TRIO: variants seen among roughly 807,000 people sequenced by gnomAD.
TRIO encodes the protein trio Rho guanine nucleotide exchange factor, also known as triple functional domain protein.
In TRIO, 58 loss-of-function variants were observed where a neutral mutation model predicts 351.9. The observed-to-expected ratio is 0.16, with a 90% confidence interval of 0.13 to 0.21. TRIO has a LOEUF of 0.21. Among genes scored for constraint, TRIO ranks in the 10% least tolerant of loss-of-function variants. The probability of loss-of-function intolerance (pLI) is 1.00; values close to 1 mark genes in which losing one functional copy is unlikely to be tolerated. For missense variants in TRIO, 3,201 were observed against 4,027.8 expected (o/e 0.79, Z 5.56); for synonymous variants, 1,758 against 1,595.7 (o/e 1.10, Z -2.42).
chr5:14,198,622 G>A (rs956514961), intron 1 of TRIO, among the ~76,000 whole-genome samples: 1 of 152,078 alleles, frequency 6.6e-6, no homozygotes, highest in Admixed American at 6.5e-5. Flanking sequence ...TGCTAACATT[G>A]TACTGTAAGG....
chr5:14,363,001 C>CTT lies in TRIO; in HGVS notation c.2392-715_2392-714dup, dbSNP rs34314596. On this transcript the variant is annotated intron_variant, in intron 13 of 56. Transcript: ENST00000344204. The stretch of plus-strand genomic sequence containing the variant: ...AGGATAATGATTGGTTTTCTATCTA[C>CTT]TTTTTTTTTTTTTTTTTGAGACAGG... 3.8e-3 allele frequency among the ~76,000 whole-genome samples: 515 copies of CTT among 136,056 alleles called. 8 individuals carry two copies. Among genetic ancestry groups the CTT allele is most frequent in the African/African-American group, 6.9e-3 (254 of 36,888 alleles). The allele number at this position is 136,056 out of a possible 152,430, so 89.3% of individuals were successfully genotyped here.
chr5:14,237,882 G>C (rs546863999), intron 1 of TRIO, among the ~76,000 whole-genome samples: 1 of 152,256 alleles, frequency 6.6e-6, no homozygotes, highest in African/African-American at 2.4e-5. Flanking sequence ...GCTACTATTT[G>C]AGGTAGAATT....
intron 1 of TRIO, among the ~76,000 whole-genome samples, chr5:14,215,762 A>G (rs1242236871): frequency 1.3e-5 from 2 of 152,212 alleles, no homozygotes; most frequent in African/African-American, 2.4e-5. Flanking sequence ...GTTAAGTTCT[A>G]CTACTCCAAA....
Position 14,297,277 on chromosome 5 carries a change from AC to A in TRIO, c.1368+19del, listed in dbSNP as rs757525367. The A allele has an allele frequency of 3.1e-6, 5 of 1,609,354 alleles. No individual in the cohort carries two copies. The highest frequency in any genetic ancestry group is 3.4e-5 in the Admixed American group (2 of 59,688). On this transcript the variant is annotated intron_variant, in intron 7 of 56. Coordinates refer to ENST00000344204, the MANE Select transcript of TRIO (RefSeq NM_007118.4). ...AAGGCCGAAAAGGTCAGTGCCTTGAACCCCCAGCCCACGAGGTGGTAACCAG... is the reference window on the plus strand; with the variant it reads ...AAGGCCGAAAAGGTCAGTGCCTTGAACCCCAGCCCACGAGGTGGTAACCAG...
Position 14,296,993 on chromosome 5 carries a change from G to A in TRIO, c.1177-79G>A, listed in dbSNP as rs1020258847. On this transcript the variant is annotated intron_variant, in intron 6 of 56. Transcript: ENST00000344204. ...ACTGTTAGAAGCCTGTGTTTCAGCAGGTGGCATCTGGGCTTCTTAGAAGGG... is the reference window on the plus strand; with the variant it reads ...ACTGTTAGAAGCCTGTGTTTCAGCAAGTGGCATCTGGGCTTCTTAGAAGGG... 56 of 1,278,082 alleles carry A rather than the reference G, an allele frequency of 4.4e-5. No homozygotes were observed. The Middle Eastern group carries it at 6.3e-4, about 14-fold the overall frequency. 79.2% of individuals were successfully genotyped at this position (1,278,082 alleles called of 1,614,324 possible).
At chr5:14,472,466 C>T in intron 38 of TRIO, 126 bp from the exon 39 acceptor site, 1 of 1,011,936 alleles carries the variant, frequency 9.9e-7, no homozygotes, top group South Asian at 1.6e-5. Flanking sequence ...AATTTAACAC[C>T]TAAATGTACA....
intron 13 of TRIO, among the ~76,000 whole-genome samples, chr5:14,362,707 C>G (rs929117194): frequency 6.6e-6 from 1 of 152,156 alleles, no homozygotes; most frequent in Non-Finnish European, 1.5e-5. Flanking sequence ...CATCGTAGTT[C>G]CCCATGCGAA....
intron 3 of TRIO, among the ~76,000 whole-genome samples, chr5:14,282,727 C>T (rs915173505): frequency 3.3e-5 from 5 of 152,098 alleles, no homozygotes; most frequent in Admixed American, 1.3e-4. Context: ...TATAACAAAT[C>T]CCAAAGATCA....
intron 1 of TRIO, among the ~76,000 whole-genome samples, chr5:14,235,254 A>G (rs1321876046): frequency 1.3e-5 from 2 of 152,240 alleles, no homozygotes. Context: ...TCAGAAGTAT[A>G]TTCTAAGCAT....
chr5:14,354,911 G>A (rs1743477413), intron 11 of TRIO, among the ~76,000 whole-genome samples: 1 of 152,198 alleles, frequency 6.6e-6, no homozygotes. Context: ...ATGTATTCAG[G>A]CAGAAGATAC....
intron 1 of TRIO, among the ~76,000 whole-genome samples, chr5:14,197,606 G>T (rs1043621134): frequency 6.6e-6 from 1 of 152,168 alleles, no homozygotes; most frequent in East Asian, 1.9e-4. Flanking sequence ...ACTATGAAGG[G>T]TCTGAGCTTC....
At chr5:14,241,383 G>C (rs531753567) in intron 1 of TRIO, among the ~76,000 whole-genome samples, 4 of 152,288 alleles carry the variant, frequency 2.6e-5, no homozygotes, top group Non-Finnish European at 4.4e-5. Context: ...TAATCTGTTA[G>C]TAATTGTTTG....
chr5:14,290,455 T>C (rs1232193160), intron 4 of TRIO, among the ~76,000 whole-genome samples: 1 of 152,230 alleles, frequency 6.6e-6, no homozygotes, highest in Non-Finnish European at 1.5e-5. Flanking sequence ...TTTCTTTAGC[T>C]CTCATGAAAT....
At chr5:14,327,217 T>C (rs1740464999) in intron 9 of TRIO, among the ~76,000 whole-genome samples, 1 of 152,172 alleles carries the variant, frequency 6.6e-6, no homozygotes, top group Non-Finnish European at 1.5e-5. Flanking sequence ...CAGGCTGGAG[T>C]GCAATGGCAT....
intron 1 of TRIO, among the ~76,000 whole-genome samples, chr5:14,228,502 G>A (rs1581397199): frequency 1.3e-5 from 2 of 152,368 alleles, no homozygotes; most frequent in East Asian, 3.9e-4. Context: ...CGCAAAAGCT[G>A]TTGAGGACTG....
chr5:14,392,458 G>T (rs1355724819), intron 27 of TRIO, among the ~76,000 whole-genome samples: 1 of 152,214 alleles, frequency 6.6e-6, no homozygotes, highest in Non-Finnish European at 1.5e-5. Context: ...GGAGAAATAG[G>T]AATGCTTTTA....
At chr5:14,174,256 G>C (rs182112341) in intron 1 of TRIO, among the ~76,000 whole-genome samples, 8 of 152,236 alleles carry the variant, frequency 5.3e-5, no homozygotes, top group African/African-American at 1.7e-4. Flanking sequence ...AGGCACTTTT[G>C]GTTGCTGGAG....
chr5:14,372,256 G>GAGAT (rs921395970), intron 18 of TRIO, among the ~76,000 whole-genome samples: 4 of 144,772 alleles, frequency 2.8e-5, no homozygotes, highest in Admixed American at 2.7e-4. Flanking sequence ...GGGGGTGTGA[G>GAGAT]AGAGAGAGAG....
chr5:14,211,973 A>G (rs1447161145), intron 1 of TRIO, among the ~76,000 whole-genome samples: 1 of 144,304 alleles, frequency 6.9e-6, no homozygotes, highest in Admixed American at 6.9e-5. Context: ...CCAAAAAAAC[A>G]AAAACAAACA....
Sources: allele counts gnomAD v4.1 joint callset (sites outside exome capture counted in the v4.1 genomes callset), GRCh38; gene constraint gnomAD v4.1.1; transcripts MANE v1.5; gene names NCBI Gene and HGNC (gene_info 2026-07-23, HGNC 2026-07-21).